Variants in RAPGEF5 observed in about 807,000 individuals in gnomAD.
The protein encoded by RAPGEF5 is Rap guanine nucleotide exchange factor 5.
In RAPGEF5, 65 loss-of-function variants were observed where a neutral mutation model predicts 125.2. The observed-to-expected ratio is 0.52, with a 90% confidence interval of 0.43 to 0.64. RAPGEF5 has a LOEUF of 0.64. Ranked by LOEUF, RAPGEF5 falls within the 30% of genes least tolerant of loss-of-function variation. The probability of loss-of-function intolerance (pLI) is 0.00; values close to 1 mark genes in which losing one functional copy is unlikely to be tolerated. For missense variants in RAPGEF5, 958 were observed against 1,048.1 expected (o/e 0.91, Z 1.19); for synonymous variants, 391 against 385.9 (o/e 1.01, Z -0.16).
chr7:22,319,039 G>A (rs896269064), intron 1 of RAPGEF5, among the ~76,000 whole-genome samples: 6 of 152,008 alleles, frequency 3.9e-5, no homozygotes, highest in Non-Finnish European at 1.5e-5. Flanking sequence ...ATTATTTGCT[G>A]AATGATTTGA....
chr7:22,129,534 CT>C (rs1157106715), intron 24 of RAPGEF5, among the ~76,000 whole-genome samples: 1 of 152,194 alleles, frequency 6.6e-6, no homozygotes, highest in Non-Finnish European at 1.5e-5. Flanking sequence ...GATTAACCTG[CT>C]TAGAGGCAAG....
At chr7:22,218,867 C>T (rs1785706187) in intron 9 of RAPGEF5, among the ~76,000 whole-genome samples, 1 of 152,168 alleles carries the variant, frequency 6.6e-6, no homozygotes, top group Admixed American at 6.5e-5. Flanking sequence ...TTTCTTGAGA[C>T]ACCAACTGTT....
chr7:22,139,927 C>A, intron 21 of RAPGEF5, 98 bp downstream of exon 21: 1 of 1,094,858 alleles, frequency 9.1e-7, no homozygotes. Flanking sequence ...ATATGACTTT[C>A]AAACATTTTT....
intron 6 of RAPGEF5, among the ~76,000 whole-genome samples, chr7:22,273,123 G>C (rs1782475301): frequency 6.6e-6 from 1 of 151,632 alleles, no homozygotes; most frequent in African/African-American, 2.4e-5. Flanking sequence ...AATAACTGCT[G>C]TCATCACATC....
chr7:22,309,084 A>G (rs1206189424), intron 4 of RAPGEF5, among the ~76,000 whole-genome samples: 3 of 152,204 alleles, frequency 2.0e-5, no homozygotes, highest in Admixed American at 2.0e-4. Flanking sequence ...TGTCAATACT[A>G]CCAAGGTGGG....
intron 1 of RAPGEF5, among the ~76,000 whole-genome samples, chr7:22,354,954 T>C (rs529422418): frequency 5.3e-5 from 8 of 152,316 alleles, no homozygotes; most frequent in Admixed American, 5.2e-4. Flanking sequence ...TTTCTCCTTC[T>C]TTCAACCCCC....
chr7:22,247,644 CT>C (rs1181396753), intron 7 of RAPGEF5, among the ~76,000 whole-genome samples: 1 of 151,998 alleles, frequency 6.6e-6, no homozygotes, highest in African/African-American at 2.4e-5. Flanking sequence ...CATTAATCCT[CT>C]TTTTCTTTAT....
At chr7:22,136,538 T>C (rs953904477) in intron 22 of RAPGEF5, among the ~76,000 whole-genome samples, 16 of 151,900 alleles carry the variant, frequency 1.1e-4, no homozygotes, top group African/African-American at 3.9e-4. Context: ...TGTTTTTTTG[T>C]ATTCTAAAAA....
At chr7:22,282,203 C>A (rs13234561) in intron 6 of RAPGEF5, among the ~76,000 whole-genome samples, 1 of 152,014 alleles carries the variant, frequency 6.6e-6, no homozygotes, top group Non-Finnish European at 1.5e-5. Context: ...CACAGAGAAC[C>A]TTTACAGCTA....
chr7:22,356,581 C>T (rs1784423668), intron 1 of RAPGEF5: 1 of 138,044 alleles, frequency 7.2e-6, no homozygotes, highest in South Asian at 3.3e-4. Flanking sequence ...CAGCCTGAAT[C>T]TGGGGGCCCT....
chr7:22,170,816 C>T (rs1258470256), intron 11 of RAPGEF5, among the ~76,000 whole-genome samples: 1 of 152,166 alleles, frequency 6.6e-6, no homozygotes, highest in East Asian at 1.9e-4. Flanking sequence ...ACCTAATTAT[C>T]TGTCATAGAA....
intron 5 of RAPGEF5, among the ~76,000 whole-genome samples, chr7:22,294,381 C>A (rs1783003733): frequency 6.6e-6 from 1 of 152,178 alleles, no homozygotes; most frequent in South Asian, 2.1e-4. Flanking sequence ...GACCTGGTAA[C>A]TCTCCAGGGG....
At chr7:22,348,940 A>G (rs1720259301) in intron 1 of RAPGEF5, among the ~76,000 whole-genome samples, 1 of 151,502 alleles carries the variant, frequency 6.6e-6, no homozygotes, top group Non-Finnish European at 1.5e-5. Flanking sequence ...TACAAAAATT[A>G]GCCAGGTGTG....
At position 22,300,735 on chromosome 7, in the gene RAPGEF5, T is replaced by A. The variant is rs111463608; in HGVS notation, c.680+7604A>T. Among the ~76,000 whole-genome samples, 781 of 152,312 alleles carry A rather than the reference T, an allele frequency of 5.1e-3. 5 individuals are homozygous for A. Among genetic ancestry groups the A allele is most frequent in the Non-Finnish European group, 8.3e-3 (565 of 68,028 alleles). The stretch of plus-strand genomic sequence containing the variant: ...ACTAGCTGGGGCTCCTCTGCCCAGT[T>A]CTGACCAAAACCAAACACTCCTTGT... On this transcript the variant is annotated intron_variant, in intron 5 of 25. Coordinates refer to ENST00000665637, the MANE Select transcript of RAPGEF5 (RefSeq NM_012294.5).
At chr7:22,240,977 G>A (rs1351930558) in intron 7 of RAPGEF5, among the ~76,000 whole-genome samples, 2 of 152,178 alleles carry the variant, frequency 1.3e-5, no homozygotes, top group East Asian at 1.9e-4. Flanking sequence ...AGCCCCAGAA[G>A]CATGTGCCAT....
intron 1 of RAPGEF5, among the ~76,000 whole-genome samples, chr7:22,351,039 G>C (rs1036973715): frequency 2.0e-5 from 3 of 152,224 alleles, no homozygotes; most frequent in African/African-American, 7.2e-5. Context: ...TGAGAACAAA[G>C]TAAGCTGGGT....
intron 6 of RAPGEF5, among the ~76,000 whole-genome samples, chr7:22,289,920 G>A (rs575481259): frequency 1.9e-4 from 29 of 152,224 alleles, no homozygotes; most frequent in Admixed American, 1.2e-3. Context: ...CATGCAAGAC[G>A]TACCTGGTTC....
At chr7:22,186,788 A>G (rs1784838613) in intron 11 of RAPGEF5, among the ~76,000 whole-genome samples, 1 of 152,252 alleles carries the variant, frequency 6.6e-6, no homozygotes, top group African/African-American at 2.4e-5. Context: ...TGGCTAGTAG[A>G]AGAGATATGA....
At chr7:22,177,613 C>A (rs1466493639) in intron 11 of RAPGEF5, among the ~76,000 whole-genome samples, 1 of 152,220 alleles carries the variant, frequency 6.6e-6, no homozygotes, top group African/African-American at 2.4e-5. Flanking sequence ...CACCACCCAA[C>A]ATTCCACACC....
Sources: gnomAD v4.1 joint callset for allele counts (sites outside exome capture counted in the v4.1 genomes callset) on GRCh38, gnomAD v4.1.1 for gene constraint, MANE v1.5 for transcripts, NCBI Gene and HGNC (gene_info 2026-07-23, HGNC 2026-07-21) for gene names.